SLC39A12: variants seen among roughly 807,000 people sequenced by gnomAD.
SLC39A12 encodes the protein solute carrier family 39 member 12.
In SLC39A12, 63 loss-of-function variants were observed where a neutral mutation model predicts 71.1. The observed-to-expected ratio is 0.89, with a 90% CI of 0.72 to 1.09. The LOEUF is 1.09. Ranked by LOEUF, SLC39A12 falls within the 50% of genes least tolerant of loss-of-function variation. The pLI is 0.00. For missense variants in SLC39A12, 892 were observed against 812.6 expected, an observed-to-expected ratio of 1.10 and a Z score of -1.19; for synonymous variants, 351 against 301.3, an observed-to-expected ratio of 1.16 and a Z score of -1.71.
chr10:18,004,036 T>C (rs564773542), intron 12 of SLC39A12, among the ~76,000 whole-genome samples: 1 of 152,342 alleles, frequency 6.6e-6, no homozygotes, highest in East Asian at 1.9e-4. Flanking sequence ...GATAACTCAG[T>C]CATTAGTTTT....
intron 12 of SLC39A12, among the ~76,000 whole-genome samples, chr10:18,032,859 AG>A (rs1387816095): frequency 4.4e-5 from 6 of 137,616 alleles, no homozygotes; most frequent in South Asian, 2.4e-4. Context: ...TTTAGCATGA[AG>A]GGTTGTTGAA....
intron 12 of SLC39A12, among the ~76,000 whole-genome samples, chr10:18,034,872 G>A (rs1192738277): frequency 6.6e-6 from 1 of 151,240 alleles, no homozygotes; most frequent in East Asian, 2.0e-4. Context: ...GCATTTGCTT[G>A]TCTGTAAAGT....
chr10:17,969,923 G>A (rs1479643102), intron 4 of SLC39A12, among the ~76,000 whole-genome samples: 1 of 152,080 alleles, frequency 6.6e-6, no homozygotes, highest in Non-Finnish European at 1.5e-5. Context: ...TGAAATCTTA[G>A]ATTTAAGTCT....
In SLC39A12 at chr10:18,042,708, C is replaced by T. The variant is rs1446032451; in HGVS notation, c.1951C>T (p.Pro651Ser). ...FLYLSLVEML[P>S]EMTHVQTQRP... is the part of the protein sequence containing the mutation. ...TGGTTTTTTATTCTTTTTTTAGCTTCCTGAAATGACTCATGTTCAAACACA... is the reference window on the plus strand; with the variant it reads ...TGGTTTTTTATTCTTTTTTTAGCTTTCTGAAATGACTCATGTTCAAACACA... The change falls in exon 13 of 13, where the codon CCT becomes TCT. Residue 651 changes from proline (P) to serine (S), a missense_variant. By Grantham distance (74) the Pro-to-Ser change is moderately conservative. Transcript: ENST00000377369. 3 of 1,602,086 alleles carry T rather than the reference C, an allele frequency of 1.9e-6. No individual in the cohort carries two copies. Among genetic ancestry groups the T allele is most frequent in the Non-Finnish European group, 2.6e-6 (3 of 1,175,832 alleles).
intron 3 of SLC39A12, among the ~76,000 whole-genome samples, chr10:17,965,206 TA>T (rs200508112): frequency 1.2e-3 from 174 of 147,488 alleles, no homozygotes; most frequent in African/African-American, 4.2e-3. Flanking sequence ...AAACTCGGTC[TA>T]AAAAAAAGAA....
At chr10:17,962,787 C>T (rs1238264783) in intron 3 of SLC39A12, among the ~76,000 whole-genome samples, 1 of 152,140 alleles carries the variant, frequency 6.6e-6, no homozygotes, top group Non-Finnish European at 1.5e-5. Context: ...GACTTTGTGA[C>T]TTTCACATCT....
At position 17,980,936 on chromosome 10, in the gene SLC39A12, T is replaced by G. The variant is rs143222895; in HGVS notation, c.925-376T>G. 2.8e-3 allele frequency among the ~76,000 whole-genome samples: 432 copies of G among 152,330 alleles called. 3 individuals carry two copies. The highest frequency in any genetic ancestry group is 9.4e-3 in the African/African-American group (392 of 41,578). On this transcript the variant is annotated intron_variant, in intron 5 of 12. Transcript: ENST00000377369. ...TACCATAGGACTTCTGTTTATTGTATGAAGTCTTTTTTAACACAAAGCTAT... is the reference window on the plus strand; with the variant it reads ...TACCATAGGACTTCTGTTTATTGTAGGAAGTCTTTTTTAACACAAAGCTAT...
chr10:17,968,152 G>C (rs549019484), intron 4 of SLC39A12, among the ~76,000 whole-genome samples: 2 of 151,266 alleles, frequency 1.3e-5, no homozygotes, highest in Non-Finnish European at 2.9e-5. Flanking sequence ...TGATTTTTAG[G>C]GGTTTCAGAT....
intron 12 of SLC39A12, among the ~76,000 whole-genome samples, chr10:18,026,139 TTCTCAAGTGC>T (rs1461507295): frequency 2.6e-5 from 4 of 152,154 alleles, no homozygotes; most frequent in African/African-American, 9.7e-5. Context: ...CCCTTATTCG[TTCTCAAGTGC>T]TCTTCTTTTT....
At position 17,961,627 on chromosome 10, in the gene SLC39A12, A is replaced by G; in HGVS notation, c.308A>G (p.Glu103Gly). 6.2e-7 allele frequency: 1 copy of G among 1,613,792 alleles called. No homozygotes were observed. Among genetic ancestry groups the G allele is most frequent in the Non-Finnish European group, 8.5e-7 (1 of 1,179,916 alleles). Residue 103 changes from glutamate to glycine, a missense_variant, in exon 3 of 13, where the codon GAA becomes GGA. By Grantham distance (98) the Glu-to-Gly change is moderately conservative. Transcript: ENST00000377369. The part of the protein sequence containing the change: ...ALLLIAGGNF[E>G]DQLREEVVQR... The stretch of plus-strand genomic sequence containing the variant: ...TTACTAATAGCTGGAGGAAATTTTG[A>G]AGATCAGCTTAGAGAAGAAGTGGTC...
At chr10:17,994,271 C>G (rs1015551263) in intron 9 of SLC39A12, among the ~76,000 whole-genome samples, 9 of 152,076 alleles carry the variant, frequency 5.9e-5, no homozygotes, top group African/African-American at 2.2e-4. Flanking sequence ...GAGTCTTGAG[C>G]TATTTGAACA....
At chr10:18,005,917 G>C (rs1435388395) in intron 12 of SLC39A12, 1 of 152,122 alleles carries the variant, frequency 6.6e-6, no homozygotes, top group East Asian at 1.9e-4. Context: ...TTGCTCTCAC[G>C]GCCTTCTGAG....
intron 12 of SLC39A12, among the ~76,000 whole-genome samples, chr10:18,015,890 ATT>A (rs1836366668): frequency 6.6e-6 from 1 of 151,146 alleles, no homozygotes; most frequent in South Asian, 2.1e-4. Context: ...GTTAAACTTT[ATT>A]TTTAGGGCAG....
intron 1 of SLC39A12, 40 bp from the exon 2 acceptor site, chr10:17,953,151 G>C: frequency 8.3e-7 from 1 of 1,198,350 alleles, no homozygotes; most frequent in Non-Finnish European, 1.2e-6. Flanking sequence ...CATGTTGCAG[G>C]CACAATAATT....
At chr10:17,975,475 G>T (rs542190321) in intron 4 of SLC39A12, among the ~76,000 whole-genome samples, 1 of 152,160 alleles carries the variant, frequency 6.6e-6, no homozygotes, top group African/African-American at 2.4e-5. Context: ...TGAGAGCTAG[G>T]ACCTGGAAAC....
At position 17,981,391 on chromosome 10, in the gene SLC39A12, A is replaced by C. The variant is rs1412917481; in HGVS notation, c.1004A>C (p.Gln335Pro). ...CTCATTTCTAAGGAGGACTTTAAGCAAATGAGTCCAGGGATCATCCAGCAG... is the reference window on the plus strand; with the variant it reads ...CTCATTTCTAAGGAGGACTTTAAGCCAATGAGTCCAGGGATCATCCAGCAG... The part of the protein sequence containing the change: ...LSLISKEDFK[Q>P]MSPGIIQQLL... The change falls in exon 6 of 13, where the codon CAA becomes CCA. Residue 335 changes from glutamine to proline, a missense_variant. By Grantham distance (76) the Gln-to-Pro change is moderately conservative. Coordinates refer to ENST00000377369, the MANE Select transcript of SLC39A12 (RefSeq NM_001145195.2). 1 of 1,614,032 alleles carries C rather than the reference A, an allele frequency of 6.2e-7. No homozygotes were observed. The highest frequency in any genetic ancestry group is 2.2e-5 in the East Asian group (1 of 44,870).
chr10:18,015,032 T>C (rs575355021), intron 12 of SLC39A12, among the ~76,000 whole-genome samples: 1 of 152,338 alleles, frequency 6.6e-6, no homozygotes, highest in East Asian at 1.9e-4. Context: ...CTAAGGCAGT[T>C]CATGCACTTT....
chr10:18,014,311 C>G (rs1836317953), intron 12 of SLC39A12, among the ~76,000 whole-genome samples: 1 of 151,902 alleles, frequency 6.6e-6, no homozygotes, highest in South Asian at 2.1e-4. Flanking sequence ...TGTCTTTCAA[C>G]TTTGCTAAAT....
chr10:18,016,292 T>C (rs1424901108), intron 12 of SLC39A12, among the ~76,000 whole-genome samples: 3 of 152,230 alleles, frequency 2.0e-5, no homozygotes, highest in Admixed American at 1.3e-4. Context: ...CAATTAATGA[T>C]ACAGTGTGCT....
Sources: gnomAD v4.1 joint callset for allele counts (sites outside exome capture counted in the v4.1 genomes callset) on GRCh38, gnomAD v4.1.1 for gene constraint, MANE v1.5 for transcripts, NCBI Gene and HGNC (gene_info 2026-07-23, HGNC 2026-07-21) for gene names.